The following RBFOX3 variants were observed in gnomAD, a reference collection of about 807,000 sequenced individuals.
RBFOX3 encodes the protein RNA binding protein fox-1 homolog 3.
In RBFOX3, 17 loss-of-function variants were observed where a neutral mutation model predicts 48.7. The observed-to-expected ratio is 0.35, with a 90% CI of 0.24 to 0.52. RBFOX3 has a LOEUF of 0.52. Ranked by LOEUF, RBFOX3 falls within the 20% of genes least tolerant of loss-of-function variation. The probability of loss-of-function intolerance (pLI) is 0.94; values close to 1 mark genes in which losing one functional copy is unlikely to be tolerated. For missense variants in RBFOX3, 382 were observed against 497.5 expected (o/e 0.77, Z 2.21); for synonymous variants, 212 against 209.5 (o/e 1.01, Z -0.10).
At chr17:79,553,674 T>C (rs2091354815) in intron 1 of RBFOX3, among the ~76,000 whole-genome samples, 1 of 152,164 alleles carries the variant, frequency 6.6e-6, no homozygotes, top group East Asian at 1.9e-4. Context: ...TATTTCTCCC[T>C]TATTATTCCT....
At chr17:79,172,070 A>C (rs2049416434) in intron 4 of RBFOX3, among the ~76,000 whole-genome samples, 1 of 146,888 alleles carries the variant, frequency 6.8e-6, no homozygotes, top group African/African-American at 2.5e-5. Context: ...GCTACTCGGG[A>C]GGCTGAGGCA....
chr17:79,602,251 G>A lies in RBFOX3; in HGVS notation c.-320+8575C>T, dbSNP rs2093722082. On this transcript the variant is annotated intron_variant, in intron 1 of 14. Coordinates refer to ENST00000693108, the MANE Select transcript of RBFOX3 (RefSeq NM_001350451.2). ...CCCGCCCTTTGGCCATCAGCTGAAG[G>A]TTCCCAGCTGTCAAGATATCAAACA... 2.0e-5 allele frequency among the ~76,000 whole-genome samples: 3 copies of A among 152,234 alleles called. No individual in the cohort carries two copies. The South Asian group carries it at 6.2e-4, about 32-fold the overall frequency.
At chr17:79,316,894 C>T (rs1206658526) in intron 2 of RBFOX3, among the ~76,000 whole-genome samples, 4 of 152,164 alleles carry the variant, frequency 2.6e-5, no homozygotes, top group Admixed American at 2.6e-4. Context: ...ATTTGGCAGC[C>T]CTAGCTTCCA....
chr17:79,224,535 T>G (rs1032535393), intron 4 of RBFOX3, among the ~76,000 whole-genome samples: 2 of 152,170 alleles, frequency 1.3e-5, no homozygotes, highest in East Asian at 3.9e-4. Flanking sequence ...GGCCCATAGC[T>G]GGGAACTCCA....
chr17:79,656,723 CAGAA>C, the RBFOX3 span, among the ~76,000 whole-genome samples: 2 of 83,080 alleles, frequency 2.4e-5, no homozygotes, highest in East Asian at 6.3e-4. Context: ...GAGAGAGAGA[CAGAA>C]AGAAAGAAAA....
chr17:79,507,419 T>C (rs2083327731), intron 1 of RBFOX3, among the ~76,000 whole-genome samples: 1 of 152,120 alleles, frequency 6.6e-6, no homozygotes, highest in Non-Finnish European at 1.5e-5. Context: ...GGCGCCACAA[T>C]GGGGCTCCTG....
intron 2 of RBFOX3, among the ~76,000 whole-genome samples, chr17:79,308,311 C>A (rs1381407666): frequency 6.6e-6 from 1 of 152,202 alleles, no homozygotes; most frequent in Non-Finnish European, 1.5e-5. Context: ...GGTTGAGCAG[C>A]CCTCGTGGTT....
chr17:79,633,928 A>G, the RBFOX3 span, among the ~76,000 whole-genome samples: 1 of 152,124 alleles, frequency 6.6e-6, no homozygotes, highest in African/African-American at 2.4e-5. Context: ...ACAGATTATC[A>G]TGCACATCTG....
intron 4 of RBFOX3, among the ~76,000 whole-genome samples, chr17:79,208,156 G>T (rs541882623): frequency 6.6e-6 from 1 of 152,256 alleles, no homozygotes; most frequent in East Asian, 1.9e-4. Context: ...ACAACCAAGC[G>T]GATACAGCAG....
chr17:79,512,275 AT>A (rs1307913868), intron 1 of RBFOX3, among the ~76,000 whole-genome samples: 1 of 137,590 alleles, frequency 7.3e-6, no homozygotes, highest in African/African-American at 2.7e-5. Flanking sequence ...ATACACCCGG[AT>A]ACATATTACC....
the RBFOX3 span, among the ~76,000 whole-genome samples, chr17:79,624,157 G>A: frequency 2.0e-5 from 3 of 152,140 alleles, no homozygotes; most frequent in Admixed American, 6.5e-5. Context: ...AGTTTGTTAC[G>A]GTAGTCCTAG....
At position 79,115,668 on chromosome 17, in the gene RBFOX3, G is replaced by A. The variant is rs561710608; in HGVS notation, c.48C>T (p.Asn16=). The change falls in exon 5 of 15, where the codon AAC becomes AAT. Residue 16 remains asparagine (N), a synonymous_variant. Coordinates refer to ENST00000693108, the MANE Select transcript of RBFOX3 (RefSeq NM_001350451.2). The part of the protein sequence containing the change: ...PPAQYPPPPQ[N]GIPAEYAPPP... ...GCGGGGCGTACTCGGCAGGGATGCCGTTCTGTGGCGGAGGGGGGTACTGGG... is the reference window on the plus strand; with the variant it reads ...GCGGGGCGTACTCGGCAGGGATGCCATTCTGTGGCGGAGGGGGGTACTGGG... 2.0e-5 allele frequency: 22 copies of A among 1,074,450 alleles called. No homozygotes were observed. Among genetic ancestry groups the A allele is most frequent in the Middle Eastern group, 5.4e-4 (2 of 3,692 alleles). The allele number at this position is 1,074,450 out of a possible 1,614,324, so 66.6% of individuals were successfully genotyped here.
At chr17:79,660,715 A>G in the RBFOX3 span, among the ~76,000 whole-genome samples, 1 of 152,128 alleles carries the variant, frequency 6.6e-6, no homozygotes, top group Non-Finnish European at 1.5e-5. Flanking sequence ...TAAGAAGATG[A>G]CGTGGTGATT....
intron 2 of RBFOX3, among the ~76,000 whole-genome samples, chr17:79,332,966 G>C (rs975692549): frequency 1.2e-4 from 18 of 150,988 alleles, no homozygotes; most frequent in African/African-American, 4.4e-4. Flanking sequence ...GAAAGAGACA[G>C]ACAGAAAGAG....
At chr17:79,320,462 G>A (rs1278336921) in intron 2 of RBFOX3, among the ~76,000 whole-genome samples, 1 of 152,228 alleles carries the variant, frequency 6.6e-6, no homozygotes, top group Non-Finnish European at 1.5e-5. Context: ...TCAGGCAGTA[G>A]CCCTCATTAA....
At position 79,131,215 on chromosome 17, in the gene RBFOX3, G is replaced by C. The variant is rs922129078; in HGVS notation, c.-33-15467C>G. Among the ~76,000 whole-genome samples the C allele has an allele frequency of 1.1e-4, 14 of 124,622 alleles. No homozygotes were observed. In the South Asian group the frequency reaches 1.3e-3, roughly 11 times the overall value. The allele number at this position is 124,622 out of a possible 152,430, so 81.8% of individuals were successfully genotyped here. A position where few individuals can be genotyped will look rare whatever the true frequency, so the allele number is the denominator to read the frequency against. ...GTGTGCTCCGTGTGTTCTGTGCACT[G>C]TGTGTGCCCTGCGTGTACTGTGTGC... On this transcript the variant is annotated intron_variant, in intron 4 of 14. Transcript: ENST00000693108.
intron 2 of RBFOX3, among the ~76,000 whole-genome samples, chr17:79,448,219 T>C (rs2072744647): frequency 1.3e-5 from 2 of 151,476 alleles, no homozygotes; most frequent in Admixed American, 1.3e-4. Context: ...GGGGTGGGGG[T>C]GTGAGAGTCT....
intron 2 of RBFOX3, among the ~76,000 whole-genome samples, chr17:79,463,213 C>T (rs1555750501): frequency 2.1e-5 from 3 of 143,570 alleles, no homozygotes; most frequent in Non-Finnish European, 3.1e-5. Flanking sequence ...CCACTGCCAC[C>T]TCCACTGCCA....
chr17:79,148,082 C>T (rs1341360002), intron 4 of RBFOX3, among the ~76,000 whole-genome samples: 1 of 151,944 alleles, frequency 6.6e-6, no homozygotes, highest in Non-Finnish European at 1.5e-5. Context: ...ACCGTGGGAC[C>T]CCAGGGTGCG....
Sources: gnomAD v4.1 joint callset for allele counts (sites outside exome capture counted in the v4.1 genomes callset) on GRCh38, gnomAD v4.1.1 for gene constraint, MANE v1.5 for transcripts, NCBI Gene and HGNC (gene_info 2026-07-23, HGNC 2026-07-21) for gene names.